DEUP1: variants seen among roughly 807,000 people sequenced by gnomAD.
The protein encoded by DEUP1 is coiled-coil domain containing 67.
A neutral mutation model predicts 87.4 loss-of-function variants in DEUP1; 82 were observed. The ratio of observed to expected loss-of-function variants is 0.94; its 90% CI spans 0.78 to 1.13. The LOEUF (loss-of-function observed/expected upper bound fraction) is 1.13. Ranked by LOEUF, DEUP1 falls within the 50% of genes most tolerant of loss-of-function variation. DEUP1 has a pLI of 0.00. For missense variants in DEUP1, 663 were observed against 681.5 expected, an observed-to-expected ratio of 0.97 and a Z score of 0.30; for synonymous variants, 214 against 222.7, an observed-to-expected ratio of 0.96 and a Z score of 0.35.
chr11:93,417,089 A>C (rs1181769517), intron 13 of DEUP1, among the ~76,000 whole-genome samples: 1 of 148,520 alleles, frequency 6.7e-6, no homozygotes, highest in Non-Finnish European at 1.5e-5. Flanking sequence ...AATGGGCAAA[A>C]ACTGGAAGCA....
intron 7 of DEUP1, among the ~76,000 whole-genome samples, chr11:93,382,641 A>G (rs1384542539): frequency 1.3e-5 from 2 of 152,168 alleles, no homozygotes; most frequent in African/African-American, 4.8e-5. Flanking sequence ...CCCTTCCCCA[A>G]GTGAAAGCAG....
intron 13 of DEUP1, among the ~76,000 whole-genome samples, chr11:93,436,864 T>C (rs922950580): frequency 6.6e-6 from 1 of 152,344 alleles, no homozygotes; most frequent in Non-Finnish European, 1.5e-5. Flanking sequence ...TATCTGATGT[T>C]GTCCTTTATT....
At chr11:93,385,349 G>T in intron 7 of DEUP1, 49 bp from the exon 8 acceptor site, 4 of 1,586,556 alleles carry the variant, frequency 2.5e-6, no homozygotes, top group Non-Finnish European at 3.4e-6. Context: ...TGCATTGTAC[G>T]TTATGATAAC....
intron 2 of DEUP1, among the ~76,000 whole-genome samples, chr11:93,340,319 C>A (rs1377913166): frequency 6.6e-6 from 1 of 152,092 alleles, no homozygotes; most frequent in Non-Finnish European, 1.5e-5. Context: ...GAGGAATCAG[C>A]AAAAGCAAAG....
At chr11:93,401,750 A>T (rs1947126172) in intron 11 of DEUP1, among the ~76,000 whole-genome samples, 1 of 152,116 alleles carries the variant, frequency 6.6e-6, no homozygotes. Flanking sequence ...AAGAATATAC[A>T]ATAGGGAAAG....
At position 93,381,792 on chromosome 11, in the gene DEUP1, G is replaced by A. The variant is rs533364042; in HGVS notation, c.790-3606G>A. Among the ~76,000 whole-genome samples, 17 of 152,172 alleles carry A rather than the reference G, an allele frequency of 1.1e-4. No individual in the cohort carries two copies. The East Asian group carries it at 3.1e-3, about 28-fold the overall frequency. ...TTTCCTACTAGCCGAATTAAAAGAAGTCAAGAAAAATGAGTGAAACTAACA... is the reference window on the plus strand; with the variant it reads ...TTTCCTACTAGCCGAATTAAAAGAAATCAAGAAAAATGAGTGAAACTAACA... On this transcript the variant is annotated intron_variant, in intron 7 of 13. Coordinates refer to ENST00000298050, the MANE Select transcript of DEUP1 (RefSeq NM_181645.4).
chr11:93,434,003 C>T (rs1023613819), intron 13 of DEUP1, among the ~76,000 whole-genome samples: 1 of 152,146 alleles, frequency 6.6e-6, no homozygotes, highest in Admixed American at 6.5e-5. Flanking sequence ...CGGTGGAGGG[C>T]AGTTCCCCAA....
At position 93,408,377 on chromosome 11, in the gene DEUP1, A is replaced by C. The variant is rs1302830525; in HGVS notation, c.1473A>C (p.Thr491=). 1.3e-6 allele frequency: 2 copies of C among 1,571,416 alleles called. No homozygotes were observed. The highest frequency in any genetic ancestry group is 1.9e-5 in the Admixed American group (1 of 53,430). ...CTAATCAAAACACCTATGAAGAAAC[A>C]GGAAGATATGCCTATCAAAGCCAAA... is the stretch of plus-strand genomic sequence containing the variant. The part of the protein sequence containing the change: ...TWTNQNTYEE[T]GRYAYQSQIK... The change falls in exon 12 of 14, where the codon ACA becomes ACC. Residue 491 remains threonine, a synonymous_variant. Coordinates refer to ENST00000298050, the MANE Select transcript of DEUP1 (RefSeq NM_181645.4).
chr11:93,388,341 C>A (rs1229342295), intron 8 of DEUP1, among the ~76,000 whole-genome samples: 1 of 152,114 alleles, frequency 6.6e-6, no homozygotes, highest in East Asian at 1.9e-4. Context: ...ATGCTGCTTC[C>A]CCTACCTGGT....
chr11:93,401,163 AAAAG>A (rs1290420222), intron 11 of DEUP1, among the ~76,000 whole-genome samples: 1 of 152,144 alleles, frequency 6.6e-6, no homozygotes, highest in African/African-American at 2.4e-5. Context: ...AATAATCTGA[AAAAG>A]AAATCAAGAA....
chr11:93,355,596 T>A (rs1318300480), intron 3 of DEUP1, 54 bp downstream of exon 3: 35 of 1,434,528 alleles, frequency 2.4e-5, no homozygotes, highest in Admixed American at 4.8e-5. Context: ...TTACATATAG[T>A]ATTCTATCAG....
intron 8 of DEUP1, among the ~76,000 whole-genome samples, chr11:93,388,226 T>C (rs116884936): frequency 0.011 from 1,608 of 152,258 alleles, 15 homozygotes; most frequent in Middle Eastern, 0.041. Flanking sequence ...GTGTGAAATC[T>C]TCTCAAAAGT....
intron 4 of DEUP1, among the ~76,000 whole-genome samples, chr11:93,358,789 G>A (rs899833380): frequency 2.6e-5 from 4 of 152,076 alleles, no homozygotes; most frequent in African/African-American, 7.2e-5. Context: ...CGCCTTGTTG[G>A]CCTGTCTGGT....
chr11:93,373,605 T>TA (rs1565316134), intron 7 of DEUP1, among the ~76,000 whole-genome samples: 2 of 128,706 alleles, frequency 1.6e-5, no homozygotes, highest in Non-Finnish European at 3.2e-5. Flanking sequence ...GTATATATAT[T>TA]TATATATGTA....
At chr11:93,419,058 G>A (rs1262804343) in intron 13 of DEUP1, among the ~76,000 whole-genome samples, 1 of 151,526 alleles carries the variant, frequency 6.6e-6, no homozygotes. Flanking sequence ...GGGAGGGATA[G>A]CATTGGGAGA....
At chr11:93,331,159 CTCTG>C (rs981427450) in intron 1 of DEUP1, among the ~76,000 whole-genome samples, 1 of 133,574 alleles carries the variant, frequency 7.5e-6, no homozygotes, top group Non-Finnish European at 1.7e-5. Context: ...CTCCTCTCCG[CTCTG>C]TCTCTCTTAA....
chr11:93,395,464 T>C (rs1163607253), intron 10 of DEUP1, among the ~76,000 whole-genome samples: 1 of 152,212 alleles, frequency 6.6e-6, no homozygotes, highest in Non-Finnish European at 1.5e-5. Flanking sequence ...CCGTGATTTA[T>C]TGTTGCAGTA....
chr11:93,361,235 A>G (rs866889521), intron 4 of DEUP1, among the ~76,000 whole-genome samples: 2 of 152,146 alleles, frequency 1.3e-5, no homozygotes, highest in Non-Finnish European at 2.9e-5. Context: ...AAGGAAAACT[A>G]AAAGGATTTG....
chr11:93,430,004 A>G (rs748323756), intron 13 of DEUP1, among the ~76,000 whole-genome samples: 4 of 152,126 alleles, frequency 2.6e-5, no homozygotes, highest in Non-Finnish European at 5.9e-5. Context: ...TACCATTCCT[A>G]TCAAGACTAC....
Sources: gnomAD v4.1 joint callset for allele counts (sites outside exome capture counted in the v4.1 genomes callset) on GRCh38, gnomAD v4.1.1 for gene constraint, MANE v1.5 for transcripts, NCBI Gene and HGNC (gene_info 2026-07-23, HGNC 2026-07-21) for gene names.